The following ALK variants were observed in gnomAD, a reference collection of about 807,000 sequenced individuals.
ALK encodes the protein ALK tyrosine kinase receptor.
ALK carries 74 observed loss-of-function variants against 163.1 expected under a neutral mutation model. That is an observed-to-expected ratio of 0.45 (90% CI 0.38 to 0.55). The LOEUF is 0.55. ALK is among the 20% of genes least tolerant of loss of function. The pLI is 0.00. For missense variants in ALK, 2,063 were observed against 2,105.3 expected, an observed-to-expected ratio of 0.98 and a Z score of 0.39; for synonymous variants, 960 against 843.2, an observed-to-expected ratio of 1.14 and a Z score of -2.40.
At chr2:29,462,117 G>A (rs1671098578) in intron 4 of ALK, among the ~76,000 whole-genome samples, 1 of 152,164 alleles carries the variant, frequency 6.6e-6, no homozygotes, top group South Asian at 2.1e-4. Context: ...GCAATCTCAT[G>A]ATAAAATTTG....
intron 5 of ALK, among the ~76,000 whole-genome samples, chr2:29,355,762 C>T (rs1558690759): frequency 6.6e-6 from 1 of 152,140 alleles, no homozygotes; most frequent in South Asian, 2.1e-4. Context: ...TTTCTGCTTG[C>T]TCCACACTCT....
intron 2 of ALK, among the ~76,000 whole-genome samples, chr2:29,712,051 T>G (rs950225485): frequency 6.6e-6 from 1 of 152,216 alleles, no homozygotes; most frequent in Non-Finnish European, 1.5e-5. Context: ...TGTCTTTGTT[T>G]TAAAGAGATA....
At chr2:29,203,513 G>T (rs1225308424) in intron 26 of ALK, among the ~76,000 whole-genome samples, 39 of 1,064 alleles carry the variant, frequency 0.037, 1 homozygote, top group Non-Finnish European at 0.058. Context: ...TTTTTTTTTT[G>T]TGAGACAGAG....
At chr2:29,620,320 G>A (rs1012734405) in intron 3 of ALK, among the ~76,000 whole-genome samples, 1 of 152,056 alleles carries the variant, frequency 6.6e-6, no homozygotes, top group African/African-American at 2.4e-5. Flanking sequence ...ACGTTCACAC[G>A]GTGTTCTTTC....
At chr2:29,844,717 G>C (rs1486528943) in intron 1 of ALK, among the ~76,000 whole-genome samples, 1 of 152,126 alleles carries the variant, frequency 6.6e-6, no homozygotes, top group Non-Finnish European at 1.5e-5. Flanking sequence ...AACCAACCCA[G>C]ATCCATCCAA....
chr2:29,545,368 C>T (rs1473819425), intron 3 of ALK, among the ~76,000 whole-genome samples: 1 of 152,216 alleles, frequency 6.6e-6, no homozygotes, highest in Non-Finnish European at 1.5e-5. Flanking sequence ...TTGAATTCTA[C>T]TATCCTGTGT....
chr2:29,460,361 C>G (rs3923554), intron 4 of ALK, among the ~76,000 whole-genome samples: 1 of 151,912 alleles, frequency 6.6e-6, no homozygotes, highest in African/African-American at 2.4e-5. Flanking sequence ...TGTTACCCAG[C>G]GGAGGACATA....
chr2:29,726,055 C>T (rs1402808135), intron 1 of ALK, among the ~76,000 whole-genome samples: 2 of 152,188 alleles, frequency 1.3e-5, no homozygotes, highest in Non-Finnish European at 2.9e-5. Context: ...AAGGTGGACT[C>T]ACACTGGCTT....
intron 1 of ALK, among the ~76,000 whole-genome samples, chr2:29,871,283 T>G (rs1186713194): frequency 6.6e-6 from 1 of 152,108 alleles, no homozygotes; most frequent in African/African-American, 2.4e-5. Flanking sequence ...CCGGGTTATC[T>G]CCAAGGGCAA....
intron 3 of ALK, among the ~76,000 whole-genome samples, chr2:29,555,530 T>C (rs990513768): frequency 6.6e-6 from 1 of 152,182 alleles, no homozygotes; most frequent in African/African-American, 2.4e-5. Flanking sequence ...TAAGTGGAAA[T>C]TGATGTCTGT....
At chr2:29,765,243 C>T (rs1215877460) in intron 1 of ALK, among the ~76,000 whole-genome samples, 1 of 152,122 alleles carries the variant, frequency 6.6e-6, no homozygotes, top group Non-Finnish European at 1.5e-5. Context: ...AAGCATTGCC[C>T]AAGTATTCAT....
rs61057760 is a variant in ALK, at chr2:29,860,392, G to GAAAA, written c.667+59597_667+59600dup. Among the ~76,000 whole-genome samples, 476 of 110,372 alleles carry GAAAA rather than the reference G, an allele frequency of 4.3e-3. 3 individuals carry two copies. Among genetic ancestry groups the GAAAA allele is most frequent in the Middle Eastern group, 0.01 (2 of 194 alleles). The allele number at this position is 110,372 out of a possible 152,430, so 72.4% of individuals were successfully genotyped here. On this transcript the variant is annotated intron_variant, in intron 1 of 28. Transcript: ENST00000389048. The stretch of plus-strand genomic sequence containing the variant: ...ACTAAGGATTAGTTAAGGAAAGGGA[G>GAAAA]AAAAAAAAAAAAAAACAGAAAAGAA...
At chr2:29,538,191 G>A (rs556187235) in intron 3 of ALK, among the ~76,000 whole-genome samples, 3 of 152,004 alleles carry the variant, frequency 2.0e-5, no homozygotes, top group South Asian at 2.1e-4. Flanking sequence ...ATGATATTTG[G>A]GGGGGGCAGG....
intron 1 of ALK, among the ~76,000 whole-genome samples, chr2:29,743,495 A>T (rs1314586935): frequency 6.6e-6 from 1 of 152,216 alleles, no homozygotes; most frequent in Non-Finnish European, 1.5e-5. Context: ...CAAAGGAAGG[A>T]GATGAGAACA....
At chr2:29,408,718 T>C (rs1257761302) in intron 4 of ALK, among the ~76,000 whole-genome samples, 1 of 152,200 alleles carries the variant, frequency 6.6e-6, no homozygotes, top group East Asian at 1.9e-4. Context: ...TTCTTTACAT[T>C]TTTAGAAAAG....
At chr2:29,779,781 G>A (rs1681282809) in intron 1 of ALK, among the ~76,000 whole-genome samples, 1 of 152,176 alleles carries the variant, frequency 6.6e-6, no homozygotes, top group African/African-American at 2.4e-5. Context: ...TAATTAGAGA[G>A]AAGAATCAGA....
At chr2:29,695,219 T>G (rs1343371410) in intron 2 of ALK, among the ~76,000 whole-genome samples, 1 of 152,182 alleles carries the variant, frequency 6.6e-6, no homozygotes, top group Non-Finnish European at 1.5e-5. Context: ...TAACTCATAT[T>G]ACGGGAGATG....
chr2:29,209,764 G>A (rs754974735), intron 25 of ALK, 22 bp downstream of exon 25: 4 of 1,582,476 alleles, frequency 2.5e-6, no homozygotes, highest in Non-Finnish European at 3.5e-6. Context: ...AGGCCCGGAG[G>A]GGTGAGGCAG....
At chr2:29,751,078 G>C (rs988906451) in intron 1 of ALK, among the ~76,000 whole-genome samples, 3 of 152,018 alleles carry the variant, frequency 2.0e-5, no homozygotes, top group African/African-American at 7.2e-5. Flanking sequence ...TCAAAAGGAA[G>C]GGGAGGAGAG....
Sources: gnomAD v4.1 joint callset for allele counts (sites outside exome capture counted in the v4.1 genomes callset) on GRCh38, gnomAD v4.1.1 for gene constraint, MANE v1.5 for transcripts, NCBI Gene and HGNC (gene_info 2026-07-23, HGNC 2026-07-21) for gene names.